STAU2: variants seen among roughly 807,000 people sequenced by gnomAD.
STAU2 encodes the protein double-stranded RNA-binding protein Staufen homolog 2.
Under a neutral mutation model 65.9 loss-of-function variants are expected in STAU2, and 20 were observed. That is an observed-to-expected ratio of 0.30 (90% CI 0.21 to 0.44). The LOEUF is 0.44. STAU2 is among the 20% of genes least tolerant of loss of function. The pLI, the probability that STAU2 is intolerant of heterozygous loss-of-function variation, is 1.00. For synonymous variants in STAU2, 232 were observed against 233.9 expected (o/e 0.99, Z 0.07); for missense variants, 558 against 683.9 (o/e 0.82, Z 2.05).
intron 11 of STAU2, chr8:73,590,815 T>C (rs894650315): frequency 1.8e-4 from 27 of 152,590 alleles, no homozygotes; most frequent in Non-Finnish European, 3.1e-4. Flanking sequence ...AAAACACACA[T>C]ATGCACCAAC....
chr8:73,657,287 G>A (rs140090612), intron 6 of STAU2, among the ~76,000 whole-genome samples: 26 of 152,262 alleles, frequency 1.7e-4, no homozygotes, highest in African/African-American at 6.3e-4. Flanking sequence ...AGTGCCACAA[G>A]GTGGAGATAT....
intron 4 of STAU2, among the ~76,000 whole-genome samples, chr8:73,703,275 A>AC (rs994525722): frequency 7.3e-5 from 11 of 150,380 alleles, no homozygotes; most frequent in South Asian, 2.1e-4. Context: ...AGTGTGTGGG[A>AC]CCCCCCCAAT....
At position 73,515,360 on chromosome 8, in the gene STAU2, C is replaced by T. The variant is rs938023038; in HGVS notation, c.1530+36652G>A. Among the ~76,000 whole-genome samples the T allele has an allele frequency of 7.9e-5, 12 of 152,270 alleles. 1 individual carries two copies. Among genetic ancestry groups the T allele is most frequent in the East Asian group, 3.9e-4 (2 of 5,190 alleles). ...CAGTATCAGGGGACAGCCTGAATGTCGGTTCTGCCAGCAAGTAGACTGATA... is the reference window on the plus strand; with the variant it reads ...CAGTATCAGGGGACAGCCTGAATGTTGGTTCTGCCAGCAAGTAGACTGATA... On this transcript the variant is annotated intron_variant, in intron 13 of 14. Transcript: ENST00000524300.
intron 13 of STAU2, among the ~76,000 whole-genome samples, chr8:73,476,181 G>A (rs537279715): frequency 6.6e-5 from 10 of 152,250 alleles, no homozygotes; most frequent in South Asian, 2.1e-4. Context: ...AGAGGAGCAC[G>A]AATGACCTCA....
At chr8:73,663,972 T>C (rs1038203130) in intron 6 of STAU2, among the ~76,000 whole-genome samples, 3 of 152,230 alleles carry the variant, frequency 2.0e-5, no homozygotes, top group African/African-American at 7.2e-5. Flanking sequence ...TCTATGAAGA[T>C]AGTTTTATAT....
intron 6 of STAU2, among the ~76,000 whole-genome samples, chr8:73,624,528 C>A (rs1342608969): frequency 6.6e-6 from 1 of 152,160 alleles, no homozygotes; most frequent in Non-Finnish European, 1.5e-5. Flanking sequence ...CATTTAGATA[C>A]TAATCTCACT....
chr8:73,688,761 C>T lies in STAU2; in HGVS notation c.167G>A (p.Ser56Asn), dbSNP rs1225988439. ...LGEQTWESEG[S>N]SIKKAQQAVA... ...AGCCTGCTGAGCCTTCTTTATACTGCTGCCTTCGGATTCCCATGTCTGCTC... is the reference window on the plus strand; with the variant it reads ...AGCCTGCTGAGCCTTCTTTATACTGTTGCCTTCGGATTCCCATGTCTGCTC... The change falls in exon 5 of 15, where the codon AGC becomes AAC. Residue 56 changes from serine (S) to asparagine (N), a missense_variant. Around this residue, in one of 3 missense-constraint regions of STAU2, gnomAD observed 112 missense variants for 114.2 expected, o/e 0.98. Coordinates refer to ENST00000524300, the MANE Select transcript of STAU2 (RefSeq NM_001164380.2). The T allele has an allele frequency of 6.2e-7, 1 of 1,614,062 alleles. No individual in the cohort carries two copies. Among genetic ancestry groups the T allele is most frequent in the South Asian group, 1.1e-5 (1 of 91,088 alleles).
At chr8:73,596,600 A>C (rs1348003646) in intron 10 of STAU2, among the ~76,000 whole-genome samples, 2 of 152,174 alleles carry the variant, frequency 1.3e-5, no homozygotes, top group Non-Finnish European at 2.9e-5. Context: ...GTGGTGGCTT[A>C]TACCTGTAAT....
At chr8:73,498,661 T>G (rs1432435781) in intron 13 of STAU2, among the ~76,000 whole-genome samples, 1 of 151,810 alleles carries the variant, frequency 6.6e-6, no homozygotes, top group Non-Finnish European at 1.5e-5. Flanking sequence ...ACACATAGAC[T>G]AATAATTATA....
intron 6 of STAU2, among the ~76,000 whole-genome samples, chr8:73,645,971 C>T (rs1298299760): frequency 6.6e-6 from 1 of 152,056 alleles, no homozygotes; most frequent in African/African-American, 2.4e-5. Context: ...AACATTGGTA[C>T]AATTGAATAT....
chr8:73,618,345 A>G (rs1468304660), intron 6 of STAU2, among the ~76,000 whole-genome samples: 2 of 152,178 alleles, frequency 1.3e-5, no homozygotes, highest in East Asian at 3.8e-4. Flanking sequence ...GAAAATATCA[A>G]TTGTGTAAAG....
chr8:73,608,413 C>T (rs1812191307), intron 9 of STAU2, among the ~76,000 whole-genome samples: 1 of 151,774 alleles, frequency 6.6e-6, no homozygotes, highest in Admixed American at 6.6e-5. Context: ...TCGAGACCAG[C>T]CTGACCAACA....
At chr8:73,703,824 G>C (rs7002303) in intron 4 of STAU2, among the ~76,000 whole-genome samples, 2 of 152,044 alleles carry the variant, frequency 1.3e-5, no homozygotes, top group East Asian at 1.9e-4. Flanking sequence ...AGATGATTAC[G>C]ACAAGGAACG....
intron 13 of STAU2, among the ~76,000 whole-genome samples, chr8:73,525,699 C>G (rs1474620145): frequency 2.0e-5 from 3 of 152,214 alleles, no homozygotes; most frequent in Non-Finnish European, 4.4e-5. Context: ...GTGTGGGTTA[C>G]TGATGTGCTT....
chr8:73,565,249 T>C (rs1563425736), intron 12 of STAU2, among the ~76,000 whole-genome samples: 1 of 152,074 alleles, frequency 6.6e-6, no homozygotes, highest in African/African-American at 2.4e-5. Flanking sequence ...GTTCTCCTGA[T>C]AGAGTGTTCA....
intron 9 of STAU2, among the ~76,000 whole-genome samples, chr8:73,605,836 TACACATACACACACAC>T (rs1811968859): frequency 5.1e-5 from 4 of 78,536 alleles, no homozygotes; most frequent in African/African-American, 9.7e-5. Context: ...TATACACACA[TACACATACACACACAC>T]ACACACACAC....
At chr8:73,660,894 A>C (rs1175849326) in intron 6 of STAU2, among the ~76,000 whole-genome samples, 1 of 152,188 alleles carries the variant, frequency 6.6e-6, no homozygotes, top group Non-Finnish European at 1.5e-5. Flanking sequence ...ACAGAATCAC[A>C]GCCTGATTTA....
chr8:73,564,625 TA>T (rs1407334233), intron 12 of STAU2, among the ~76,000 whole-genome samples: 1 of 151,740 alleles, frequency 6.6e-6, no homozygotes, highest in Non-Finnish European at 1.5e-5. Context: ...TTTACCTACA[TA>T]ACAAACCTGC....
At chr8:73,531,235 T>G (rs536776580) in intron 13 of STAU2, among the ~76,000 whole-genome samples, 1 of 151,342 alleles carries the variant, frequency 6.6e-6, no homozygotes, top group African/African-American at 2.4e-5. Flanking sequence ...TGGAAGGGTA[T>G]GAACTTGGAG....
Sources: allele counts gnomAD v4.1 joint callset (sites outside exome capture counted in the v4.1 genomes callset), GRCh38; gene constraint gnomAD v4.1.1; regional missense constraint gnomAD v4.1.1; transcripts MANE v1.5; gene names NCBI Gene and HGNC (gene_info 2026-07-23, HGNC 2026-07-21).